The following DPYD variants were observed in gnomAD, a reference collection of about 807,000 sequenced individuals.
DPYD encodes dihydropyrimidine dehydrogenase, also known as dihydropyrimidine dehydrogenase [NADP(+)].
Under a neutral mutation model 116.2 loss-of-function variants are expected in DPYD, and 109 were observed. The observed-to-expected ratio is 0.94, with a 90% confidence interval of 0.80 to 1.10. The LOEUF (loss-of-function observed/expected upper bound fraction) is 1.10, where lower values mean the gene tolerates loss of function less well. Among genes scored for constraint, DPYD ranks in the 50% least tolerant of loss-of-function variants. The probability of loss-of-function intolerance (pLI) is 0.00; values close to 1 mark genes in which losing one functional copy is unlikely to be tolerated. For synonymous variants in DPYD, 440 were observed against 432.0 expected, an observed-to-expected ratio of 1.02 and a Z score of -0.23; for missense variants, 1,302 against 1,254.5, an observed-to-expected ratio of 1.04 and a Z score of -0.57.
chr1:97,445,366 A>G (rs1676016035), intron 14 of DPYD, among the ~76,000 whole-genome samples: 1 of 152,348 alleles, frequency 6.6e-6, no homozygotes, highest in Non-Finnish European at 1.5e-5. Flanking sequence ...CAAAGTGAAC[A>G]TTGCATGTAT....
intron 3 of DPYD, among the ~76,000 whole-genome samples, chr1:97,818,198 T>C (rs886956625): frequency 2.0e-5 from 3 of 152,034 alleles, no homozygotes; most frequent in South Asian, 2.1e-4. Context: ...TCCAAAAATA[T>C]CAAACTATCA....
intron 4 of DPYD, among the ~76,000 whole-genome samples, chr1:97,726,823 A>G (rs531261995): frequency 6.6e-6 from 1 of 151,780 alleles, no homozygotes; most frequent in South Asian, 2.1e-4. Context: ...ACATAAAATG[A>G]TATCACAAGA....
At chr1:97,389,160 G>T (rs575650357) in intron 14 of DPYD, among the ~76,000 whole-genome samples, 1 of 151,928 alleles carries the variant, frequency 6.6e-6, no homozygotes, top group African/African-American at 2.4e-5. Flanking sequence ...CTAAAAATGG[G>T]CCAAGCATGG....
intron 10 of DPYD, among the ~76,000 whole-genome samples, chr1:97,587,766 G>T (rs570046883): frequency 6.7e-6 from 1 of 150,084 alleles, no homozygotes; most frequent in African/African-American, 2.5e-5. Flanking sequence ...AGAGCCTGCA[G>T]TGAGTCGAGA....
At chr1:97,683,276 TGTG>T (rs1660523534) in intron 7 of DPYD, among the ~76,000 whole-genome samples, 1 of 151,880 alleles carries the variant, frequency 6.6e-6, no homozygotes, top group African/African-American at 2.4e-5. Context: ...CATGTTTCCT[TGTG>T]GGAGAGAAAT....
intron 11 of DPYD, among the ~76,000 whole-genome samples, chr1:97,569,332 A>G (rs1008030448): frequency 2.6e-5 from 4 of 151,410 alleles, no homozygotes; most frequent in Non-Finnish European, 5.9e-5. Flanking sequence ...AACACAATTC[A>G]ATTCAATAAA....
chr1:97,331,392 C>T (rs975316087), intron 16 of DPYD, among the ~76,000 whole-genome samples: 5 of 152,070 alleles, frequency 3.3e-5, no homozygotes, highest in Non-Finnish European at 5.9e-5. Flanking sequence ...GCAGGAGGCT[C>T]GCTTGAGCCC....
chr1:97,099,470 A>G (rs1048580299), intron 20 of DPYD, among the ~76,000 whole-genome samples: 5 of 152,066 alleles, frequency 3.3e-5, no homozygotes, highest in Admixed American at 3.3e-4. Flanking sequence ...TTATCCCACA[A>G]TTATTTTCTC....
intron 21 of DPYD, among the ~76,000 whole-genome samples, chr1:97,095,526 T>A (rs1012030943): frequency 7.9e-5 from 12 of 151,922 alleles, no homozygotes; most frequent in African/African-American, 2.4e-4. Context: ...ACTGATATAA[T>A]CTTATGGTAG....
chr1:97,374,895 G>A (rs891305196), intron 15 of DPYD, among the ~76,000 whole-genome samples: 10 of 151,578 alleles, frequency 6.6e-5, no homozygotes, highest in Non-Finnish European at 1.2e-4. Flanking sequence ...TGGGTGTGGC[G>A]GCCTGTGCCT....
At chr1:97,650,847 T>TAC (rs552228084) in intron 8 of DPYD, among the ~76,000 whole-genome samples, 2,478 of 149,420 alleles carry the variant, frequency 0.017, 43 homozygotes, top group African/African-American at 0.041. Flanking sequence ...AAGGTGTGTA[T>TAC]ACACACACAC....
intron 3 of DPYD, among the ~76,000 whole-genome samples, chr1:97,761,403 A>G (rs1665568601): frequency 1.3e-5 from 2 of 152,160 alleles, no homozygotes; most frequent in South Asian, 4.1e-4. Context: ...ACAAAACGAG[A>G]ATATATGAAA....
chr1:97,364,195 A>G (rs1407467847), intron 16 of DPYD, among the ~76,000 whole-genome samples: 1 of 152,244 alleles, frequency 6.6e-6, no homozygotes, highest in African/African-American at 2.4e-5. Context: ...GGTGTGGTCA[A>G]GGAAAGAAAA....
intron 16 of DPYD, among the ~76,000 whole-genome samples, chr1:97,362,411 C>T (rs183585068): frequency 1.3e-5 from 2 of 152,154 alleles, no homozygotes; most frequent in Non-Finnish European, 2.9e-5. Context: ...CCATCCCCAT[C>T]AAGCTATCAA....
intron 7 of DPYD, among the ~76,000 whole-genome samples, chr1:97,687,419 C>T (rs576504407): frequency 6.6e-6 from 1 of 152,114 alleles, no homozygotes; most frequent in South Asian, 2.1e-4. Flanking sequence ...AAATCAAACC[C>T]ACAATGAGAT....
intron 1 of DPYD, among the ~76,000 whole-genome samples, chr1:97,884,724 C>T (rs1672394967): frequency 6.6e-6 from 1 of 151,974 alleles, no homozygotes; most frequent in Admixed American, 6.6e-5. Context: ...ACAGTAACTG[C>T]TGCTTTAAGA....
At chr1:97,798,378 C>T (rs189740844) in intron 3 of DPYD, among the ~76,000 whole-genome samples, 52 of 151,962 alleles carry the variant, frequency 3.4e-4, no homozygotes, top group African/African-American at 1.2e-3. Context: ...TCAAAGAATT[C>T]CCTGTGACAA....
chr1:97,177,186 G>T (rs1420186307), intron 20 of DPYD, among the ~76,000 whole-genome samples: 1 of 152,044 alleles, frequency 6.6e-6, no homozygotes, highest in Non-Finnish European at 1.5e-5. Flanking sequence ...TACTGTTAAT[G>T]TTTGCATCTA....
At chr1:97,178,462 A>G (rs1160452274) in intron 20 of DPYD, among the ~76,000 whole-genome samples, 1 of 152,134 alleles carries the variant, frequency 6.6e-6, no homozygotes, top group Non-Finnish European at 1.5e-5. Flanking sequence ...GGTGGCAGGC[A>G]AGAGATGAGT....
Sources: allele counts gnomAD v4.1 joint callset (sites outside exome capture counted in the v4.1 genomes callset), GRCh38; gene constraint gnomAD v4.1.1; transcripts MANE v1.5; gene names NCBI Gene and HGNC (gene_info 2026-07-23, HGNC 2026-07-21).